The following MKLN1 variants were observed in gnomAD, a reference collection of about 807,000 sequenced individuals.
The protein encoded by MKLN1 is muskelin.
MKLN1 carries 18 observed loss-of-function variants against 99.0 expected under a neutral mutation model. The observed-to-expected ratio is 0.18, with a 90% CI of 0.13 to 0.27. The LOEUF (loss-of-function observed/expected upper bound fraction) is 0.27. Ranked by LOEUF, MKLN1 falls within the 10% of genes least tolerant of loss-of-function variation. The probability of loss-of-function intolerance (pLI) is 1.00; values close to 1 mark genes in which losing one functional copy is unlikely to be tolerated. For missense variants in MKLN1, 621 were observed against 875.9 expected (o/e 0.71, Z 3.67); for synonymous variants, 288 against 293.2 (o/e 0.98, Z 0.18).
intron 3 of MKLN1, among the ~76,000 whole-genome samples, chr7:131,213,879 A>C (rs1796941965): frequency 6.6e-6 from 1 of 152,130 alleles, no homozygotes; most frequent in Non-Finnish European, 1.5e-5. Flanking sequence ...GCCTAGCAAA[A>C]TATCTCCTCT....
chr7:131,413,917 A>G (rs1314876941), intron 7 of MKLN1, among the ~76,000 whole-genome samples: 2 of 152,184 alleles, frequency 1.3e-5, no homozygotes, highest in Non-Finnish European at 2.9e-5. Context: ...TTGGAAGTTT[A>G]AATAAAGTTT....
chr7:131,250,132 A>G (rs558564218), intron 3 of MKLN1, among the ~76,000 whole-genome samples: 15 of 152,300 alleles, frequency 9.8e-5, no homozygotes, highest in African/African-American at 3.6e-4. Flanking sequence ...TGGGAGAGAT[A>G]TAAAGGAGTT....
At chr7:131,192,493 A>C (rs1347964010) in intron 2 of MKLN1, among the ~76,000 whole-genome samples, 1 of 132,812 alleles carries the variant, frequency 7.5e-6, no homozygotes, top group East Asian at 2.0e-4. Flanking sequence ...ATAAATATAT[A>C]TAATATATAC....
chr7:131,227,188 C>G lies in MKLN1; in HGVS notation c.-179+24214C>G, dbSNP rs532920235. Among the ~76,000 whole-genome samples the G allele has an allele frequency of 8.3e-4, 126 of 152,346 alleles. 1 individual carries two copies. Among genetic ancestry groups the G allele is most frequent in the Non-Finnish European group, 1.6e-3 (106 of 68,040 alleles). ...TGACACCTGGGACTCCTTCCCTGCT[C>G]TGCTCAGCGTCTTATCAGAACGTTC... On this transcript the variant is annotated intron_variant, in intron 3 of 7. Transcript: ENST00000416992.
At chr7:131,255,423 ATACAATG>A (rs932859847) in intron 3 of MKLN1, among the ~76,000 whole-genome samples, 4 of 152,244 alleles carry the variant, frequency 2.6e-5, no homozygotes, top group African/African-American at 9.6e-5. Context: ...AAAACCAAAC[ATACAATG>A]TATAAGGAAA....
chr7:131,353,896 A>T (rs1554556944), intron 1 of MKLN1, among the ~76,000 whole-genome samples: 3 of 91,994 alleles, frequency 3.3e-5, no homozygotes, highest in African/African-American at 9.1e-5. Context: ...TTGCTTTTGT[A>T]CCTTTGTAAA....
chr7:131,166,638 C>T (rs1208499187), intron 2 of MKLN1, among the ~76,000 whole-genome samples: 1 of 152,212 alleles, frequency 6.6e-6, no homozygotes, highest in Non-Finnish European at 1.5e-5. Context: ...TTTCCTCGGG[C>T]AGTTCTTACA....
intron 10 of MKLN1, among the ~76,000 whole-genome samples, chr7:131,440,770 C>T (rs1327029320): frequency 6.6e-6 from 1 of 151,604 alleles, no homozygotes; most frequent in Non-Finnish European, 1.5e-5. Flanking sequence ...ATGGAAAAAA[C>T]AAATATTTAT....
intron 2 of MKLN1, among the ~76,000 whole-genome samples, chr7:131,154,369 A>G (rs1795934607): frequency 6.6e-6 from 1 of 152,176 alleles, no homozygotes; most frequent in Non-Finnish European, 1.5e-5. Flanking sequence ...GGTGTGAGCC[A>G]CCGCCCCGGC....
At chr7:131,400,036 CTGT>C (rs935679758) in intron 6 of MKLN1, among the ~76,000 whole-genome samples, 5 of 151,734 alleles carry the variant, frequency 3.3e-5, no homozygotes, top group African/African-American at 1.2e-4. Context: ...AAAAGGGACT[CTGT>C]TGTTGCTTAT....
intron 3 of MKLN1, among the ~76,000 whole-genome samples, chr7:131,225,047 T>C (rs1393780499): frequency 6.8e-6 from 1 of 146,540 alleles, no homozygotes; most frequent in African/African-American, 2.6e-5. Context: ...CAGTCCAGGC[T>C]GGGCAACAGA....
At chr7:131,230,240 A>G (rs1406317051) in intron 3 of MKLN1, among the ~76,000 whole-genome samples, 1 of 152,152 alleles carries the variant, frequency 6.6e-6, no homozygotes, top group African/African-American at 2.4e-5. Context: ...AGTTGTGCCC[A>G]AATCCAAAAG....
At chr7:131,353,489 A>G (rs1799779735) in intron 1 of MKLN1, among the ~76,000 whole-genome samples, 1 of 151,934 alleles carries the variant, frequency 6.6e-6, no homozygotes, top group Non-Finnish European at 1.5e-5. Flanking sequence ...TTTTAGGTGT[A>G]TGTTTTAGGT....
At chr7:131,424,341 A>C (rs1218296125) in intron 8 of MKLN1, among the ~76,000 whole-genome samples, 3 of 152,008 alleles carry the variant, frequency 2.0e-5, no homozygotes, top group African/African-American at 4.8e-5. Context: ...TTTTGGGCCC[A>C]GGCTATGTCA....
chr7:131,296,056 A>C (rs549988162), intron 3 of MKLN1, among the ~76,000 whole-genome samples: 2 of 152,324 alleles, frequency 1.3e-5, no homozygotes, highest in East Asian at 3.9e-4. Flanking sequence ...CTGTCGATGA[A>C]TATAAAGGAA....
intron 1 of MKLN1, among the ~76,000 whole-genome samples, chr7:131,123,360 A>G (rs1482379458): frequency 6.6e-6 from 1 of 152,254 alleles, no homozygotes; most frequent in East Asian, 1.9e-4. Context: ...AAGCAGCCAC[A>G]GACAAAATTT....
At chr7:131,426,037 T>G (rs1485039891) in intron 8 of MKLN1, among the ~76,000 whole-genome samples, 1 of 152,236 alleles carries the variant, frequency 6.6e-6, no homozygotes, top group East Asian at 1.9e-4. Context: ...TCATTTAATT[T>G]TACTATTAAA....
intron 2 of MKLN1, among the ~76,000 whole-genome samples, chr7:131,191,702 ATTTCCTTTTT>A (rs1003945771): frequency 6.8e-6 from 1 of 146,806 alleles, no homozygotes; most frequent in Non-Finnish European, 1.5e-5. Flanking sequence ...TGCTGTATAT[ATTTCCTTTTT>A]TTTCCTTTTT....
chr7:131,258,900 T>A (rs1035545668), intron 3 of MKLN1, among the ~76,000 whole-genome samples: 2 of 152,176 alleles, frequency 1.3e-5, no homozygotes, highest in African/African-American at 4.8e-5. Flanking sequence ...GTGCCTTTGA[T>A]GAAAATAATC....
Sources: allele counts gnomAD v4.1 joint callset (sites outside exome capture counted in the v4.1 genomes callset), GRCh38; gene constraint gnomAD v4.1.1; transcripts MANE v1.5; gene names NCBI Gene and HGNC (gene_info 2026-07-23, HGNC 2026-07-21).